The following TAMALIN variants were observed in gnomAD, a reference collection of about 807,000 sequenced individuals.
TAMALIN encodes protein TAMALIN.
TAMALIN carries 9 observed loss-of-function variants against 38.5 expected under a neutral mutation model. The ratio of observed to expected loss-of-function variants is 0.23; its 90% CI spans 0.14 to 0.41. The LOEUF (loss-of-function observed/expected upper bound fraction) is 0.41, where lower values mean the gene tolerates loss of function less well. TAMALIN is among the 10% of genes least tolerant of loss of function. The pLI is 1.00. For missense variants in TAMALIN, 548 were observed against 554.1 expected, an observed-to-expected ratio of 0.99 and a Z score of 0.11; for synonymous variants, 306 against 256.5, an observed-to-expected ratio of 1.19 and a Z score of -1.85.
intron 2 of TAMALIN, 138 bp downstream of exon 2, chr12:52,009,377 G>A: frequency 1.3e-6 from 1 of 783,208 alleles, no homozygotes; most frequent in Non-Finnish European, 2.1e-6. Context: ...CTGGGAGTGA[G>A]GGCAGGTGGG....
Position 52,007,420 on chromosome 12 carries a change from C to T in TAMALIN, c.246+155C>T. The T allele has an allele frequency of 1.0e-6, 1 of 985,308 alleles. No individual in the cohort carries two copies. Among genetic ancestry groups the T allele is most frequent in the Non-Finnish European group, 1.2e-6 (1 of 829,868 alleles). The allele number at this position is 985,308 out of a possible 1,614,324, so 61.0% of individuals were successfully genotyped here. On this transcript the variant is annotated intron_variant, in intron 1 of 7. Coordinates refer to ENST00000293662, the MANE Select transcript of TAMALIN (RefSeq NM_181711.4). This position sits in a 1 kb window ranked among gnomAD's most constrained non-coding sequence, Gnocchi z 6.7. ...CCTCGACTCCCCGCGTTCCCCGCTG[C>T]TGCGAAGGCCGTGGCCCTCGCCTGC...
chr12:52,008,693 A>C (rs1452533169), intron 1 of TAMALIN: 2 of 985,222 alleles, frequency 2.0e-6, no homozygotes, highest in African/African-American at 1.7e-5. Context: ...CTCCCAAGCC[A>C]CTGTCTGTAG....
chr12:52,009,520 T>C (rs530891489), intron 2 of TAMALIN, among the ~76,000 whole-genome samples: 21 of 152,238 alleles, frequency 1.4e-4, no homozygotes, highest in Admixed American at 8.5e-4. Context: ...GATGTGGGAG[T>C]TGGGAGGGGG....
At position 52,014,942 on chromosome 12, in the gene TAMALIN, G is replaced by A; in HGVS notation, c.931G>A (p.Gly311Ser). The change falls in exon 8 of 8, where the codon GGC becomes AGC. Residue 311 changes from glycine (G) to serine (S), a missense_variant. By Grantham distance (56) the Gly-to-Ser change is moderately conservative. Around this residue, in one of 3 missense-constraint regions of TAMALIN, gnomAD observed 415 missense variants for 417.0 expected, o/e 1.00. Transcript: ENST00000293662. ...PPPPARAFGP[G>S]PAETPAVGPG... ...GCCCCCGGCCCGCGCCTTCGGCCCGGGCCCCGCCGAGACCCCTGCCGTGGG... is the reference window on the plus strand; with the variant it reads ...GCCCCCGGCCCGCGCCTTCGGCCCGAGCCCCGCCGAGACCCCTGCCGTGGG... 1 of 1,002,622 alleles carries A rather than the reference G, an allele frequency of 1.0e-6. No individual in the cohort carries two copies. Among genetic ancestry groups the A allele is most frequent in the South Asian group, 4.5e-5 (1 of 22,310 alleles). The allele number at this position is 1,002,622 out of a possible 1,614,324, so 62.1% of individuals were successfully genotyped here. A position where few individuals can be genotyped will look rare whatever the true frequency, so the allele number is the denominator to read the frequency against.
chr12:52,012,511 C>T (rs776808747), intron 4 of TAMALIN, among the ~76,000 whole-genome samples: 8 of 152,188 alleles, frequency 5.3e-5, no homozygotes, highest in Non-Finnish European at 7.3e-5. Flanking sequence ...GCCTCGGCCT[C>T]CCAAAGTGCT....
chr12:52,010,866 C>G lies in TAMALIN; in HGVS notation c.297-15C>G, dbSNP rs765821304. On this transcript the variant is annotated splice_polypyrimidine_tract_variant and intron_variant, in intron 2 of 7. Transcript: ENST00000293662. Reference sequence around the variant, plus strand: ...CTTTTAATCCTAATTGTCTTGACCCCTGTGTCTCTTGCAGGAAAGTGCTGA... The same window carrying G: ...CTTTTAATCCTAATTGTCTTGACCCGTGTGTCTCTTGCAGGAAAGTGCTGA... The G allele has an allele frequency of 3.1e-6, 5 of 1,613,698 alleles. No individual in the cohort carries two copies. The African/African-American group carries it at 5.3e-5, about 17-fold the overall frequency.
At position 52,014,884 on chromosome 12, in the gene TAMALIN, G is replaced by A; in HGVS notation, c.873G>A (p.Gly291=). The change falls in exon 8 of 8, where the codon GGG becomes GGA. Residue 291 remains glycine, a synonymous_variant. Coordinates refer to ENST00000293662, the MANE Select transcript of TAMALIN (RefSeq NM_181711.4). The stretch of plus-strand genomic sequence containing the variant: ...CCGTCTACCACACGTGCTTCTTCGG[G>A]GACTCCGAGCCGCCGGCGCTGCCGC... ...DDAVYHTCFF[G]DSEPPALPPP... 1 of 1,247,430 alleles carries A rather than the reference G, an allele frequency of 8.0e-7. No homozygotes were observed. The highest frequency in any genetic ancestry group is 1.0e-6 in the Non-Finnish European group (1 of 987,616). 77.3% of individuals were successfully genotyped at this position (1,247,430 alleles called of 1,614,324 possible).
chr12:52,014,690 G>A lies in TAMALIN; in HGVS notation c.683-4G>A. ...CGCCCCCTACCTCTCCCGTCTCTGC[G>A]CAGGCCTGGTGGTGAAGGACCCCAG... On this transcript the variant is annotated splice_region_variant and splice_polypyrimidine_tract_variant and intron_variant, in intron 7 of 7. Transcript: ENST00000293662. 2.0e-6 allele frequency: 3 copies of A among 1,488,400 alleles called. No homozygotes were observed. Among genetic ancestry groups the A allele is most frequent in the Admixed American group, 2.5e-5 (1 of 40,478 alleles). 92.2% of individuals were successfully genotyped at this position (1,488,400 alleles called of 1,614,324 possible).
At chr12:52,008,445 C>T (rs1418057096) in intron 1 of TAMALIN, 3 of 981,768 alleles carry the variant, frequency 3.1e-6, no homozygotes, top group African/African-American at 1.8e-5. Context: ...CTCCCAGTCT[C>T]GGTCCTTTAG....
At position 52,007,016 on chromosome 12, in the gene TAMALIN, A is replaced by T; in HGVS notation, c.-4A>T. 1 of 1,403,992 alleles carries T rather than the reference A, an allele frequency of 7.1e-7. No individual in the cohort carries two copies. The highest frequency in any genetic ancestry group is 9.2e-7 in the Non-Finnish European group (1 of 1,085,468). The allele number at this position is 1,403,992 out of a possible 1,614,324, so 87.0% of individuals were successfully genotyped here. A position where few individuals can be genotyped will look rare whatever the true frequency, so the allele number is the denominator to read the frequency against. On this transcript the variant is annotated 5_prime_UTR_variant, in exon 1 of 8. Coordinates refer to ENST00000293662, the MANE Select transcript of TAMALIN (RefSeq NM_181711.4). The surrounding 1 kb of genome is among the most constrained non-coding windows in gnomAD (Gnocchi z 6.7). ...GTCTCTGAGGGGCGTCCGGCGCCGG[A>T]GCCATGACCCTCCGCCGACTCAGGA... is the stretch of plus-strand genomic sequence containing the variant.
At chr12:52,008,966 T>C (rs1565629994) in intron 1 of TAMALIN, among the ~76,000 whole-genome samples, 1 of 152,234 alleles carries the variant, frequency 6.6e-6, no homozygotes, top group Non-Finnish European at 1.5e-5. Context: ...AGGATGGTTG[T>C]GTCCCTGCAG....
chr12:52,010,621 C>T, intron 2 of TAMALIN: 2 of 1,171,758 alleles, frequency 1.7e-6, no homozygotes, highest in South Asian at 3.3e-5. Flanking sequence ...ACTCAGCCGG[C>T]TCATCCTTCA....
Position 52,010,367 on chromosome 12 carries a change from C to T in TAMALIN, c.297-514C>T, listed in dbSNP as rs936047271. 2.0e-5 allele frequency: 5 copies of T among 256,014 alleles called. No homozygotes were observed. The South Asian group carries it at 7.3e-4, about 37-fold the overall frequency. 15.9% of individuals were successfully genotyped at this position (256,014 alleles called of 1,614,324 possible). ...GTGTCCAGCGGGCAGGCCTTCAGTG[C>T]GGGAAGGGGCGGCCTCGAGGCTCCC... On this transcript the variant is annotated intron_variant, in intron 2 of 7. Transcript: ENST00000293662.
In TAMALIN at chr12:52,013,957, G is replaced by T; in HGVS notation, c.615+14G>T. 6.2e-7 allele frequency: 1 copy of T among 1,613,662 alleles called. No homozygotes were observed. Among genetic ancestry groups the T allele is most frequent in the Non-Finnish European group, 8.5e-7 (1 of 1,179,574 alleles). On this transcript the variant is annotated intron_variant, in intron 6 of 7. Transcript: ENST00000293662. ...CAGTACCTGAAGGTAGGGGAACCTA[G>T]ATAACGTCCAGCCTCCACCCTCCTC...
chr12:52,014,989 C>G lies in TAMALIN; in HGVS notation c.978C>G (p.Ala326=), dbSNP rs1937765663. The part of the protein sequence containing the change: ...PAVGPGPGPR[A]ALSRSASVRC... ...TGGGGCCGGGCCCTGGGCCGCGGGC[C>G]GCGCTGAGCCGCAGCGCCAGTGTGC... The change falls in exon 8 of 8, where the codon GCC becomes GCG. Residue 326 remains alanine (A), a synonymous_variant. Coordinates refer to ENST00000293662, the MANE Select transcript of TAMALIN (RefSeq NM_181711.4). The G allele has an allele frequency of 3.1e-6, 3 of 978,588 alleles. No individual in the cohort carries two copies. The highest frequency in any genetic ancestry group is 1.2e-6 in the Non-Finnish European group (1 of 822,040). 60.6% of individuals were successfully genotyped at this position (978,588 alleles called of 1,614,324 possible).
At chr12:52,010,077 G>C (rs1698418488) in intron 2 of TAMALIN, among the ~76,000 whole-genome samples, 1 of 152,180 alleles carries the variant, frequency 6.6e-6, no homozygotes, top group Non-Finnish European at 1.5e-5. Context: ...ATAGTACAGA[G>C]AGGGGAAAGG....
intron 6 of TAMALIN, 86 bp from the exon 7 acceptor site, chr12:52,014,049 G>A: frequency 6.4e-7 from 1 of 1,551,496 alleles, no homozygotes; most frequent in Non-Finnish European, 8.9e-7. Context: ...GATTTCTTTT[G>A]TCTACTCCCT....
intron 1 of TAMALIN, chr12:52,008,749 G>C (rs371540998): frequency 2.0e-6 from 2 of 985,396 alleles, no homozygotes; most frequent in East Asian, 1.1e-4. Context: ...GGTCCTCGGA[G>C]CACCTTGATA....
At position 52,007,621 on chromosome 12, in the gene TAMALIN, G is replaced by A. The variant is rs1942436055; in HGVS notation, c.246+356G>A. ...GGGTCCCCAGGAGCCCCTCGCCCGA[G>A]GGACAGAGACAGCCCCAGGCAAGTT... On this transcript the variant is annotated intron_variant, in intron 1 of 7. Coordinates refer to ENST00000293662, the MANE Select transcript of TAMALIN (RefSeq NM_181711.4). This position sits in a 1 kb window ranked among gnomAD's most constrained non-coding sequence, Gnocchi z 6.7. The A allele has an allele frequency of 1.0e-6, 1 of 985,260 alleles. No homozygotes were observed. The highest frequency in any genetic ancestry group is 6.1e-5 in the Admixed American group (1 of 16,272). The allele number at this position is 985,260 out of a possible 1,614,324, so 61.0% of individuals were successfully genotyped here.
Sources: gnomAD v4.1 joint callset for allele counts (sites outside exome capture counted in the v4.1 genomes callset) on GRCh38, gnomAD v4.1.1 for gene constraint, gnomAD v4.1.1 regional missense constraint, Gnocchi (gnomAD v3.1) non-coding constraint, MANE v1.5 for transcripts, NCBI Gene and HGNC (gene_info 2026-07-23, HGNC 2026-07-21) for gene names.